The following COP1 variants were observed in gnomAD, a reference collection of about 807,000 sequenced individuals.
The protein encoded by COP1 is COP1 E3 ubiquitin ligase, also known as E3 ubiquitin-protein ligase COP1.
Under a neutral mutation model 101.3 loss-of-function variants are expected in COP1, and 24 were observed. That is an observed-to-expected ratio of 0.24 (90% CI 0.17 to 0.33). The LOEUF is 0.33. Among genes scored for constraint, COP1 ranks in the 10% least tolerant of loss-of-function variants. COP1 has a pLI of 1.00. For missense variants in COP1, 663 were observed against 906.2 expected (o/e 0.73, Z 3.45); for synonymous variants, 347 against 341.9 (o/e 1.01, Z -0.17).
At position 176,207,071 on chromosome 1, in the gene COP1, C is replaced by T; in HGVS notation, c.-93G>A. The T allele has an allele frequency of 9.2e-7, 1 of 1,081,736 alleles. No homozygotes were observed. The highest frequency in any genetic ancestry group is 1.7e-5 in the African/African-American group (1 of 60,190). 67.0% of individuals were successfully genotyped at this position (1,081,736 alleles called of 1,614,324 possible). A position where few individuals can be genotyped will look rare whatever the true frequency, so the allele number is the denominator to read the frequency against. ...CCCCTCCCCTCAGCCTCAGTGCATC[C>T]TGAGGACGCCCGCCGAGCCGGAGGT... On this transcript the variant is annotated 5_prime_UTR_variant, in exon 1 of 20. Coordinates refer to ENST00000367669, the MANE Select transcript of COP1 (RefSeq NM_022457.7).
chr1:176,105,844 C>T (rs961813010), intron 9 of COP1, among the ~76,000 whole-genome samples: 2 of 152,158 alleles, frequency 1.3e-5, no homozygotes, highest in Non-Finnish European at 2.9e-5. Context: ...AAGCTGGTCA[C>T]ATAACCAAAA....
In COP1 at chr1:175,967,399, T is replaced by C. The variant is rs554511982; in HGVS notation, c.2133+19544A>G. Among the ~76,000 whole-genome samples, 8 of 152,228 alleles carry C rather than the reference T, an allele frequency of 5.3e-5. No homozygotes were observed. In the South Asian group the frequency reaches 8.3e-4, roughly 16 times the overall value. On this transcript the variant is annotated intron_variant, in intron 18 of 19. Coordinates refer to ENST00000367669, the MANE Select transcript of COP1 (RefSeq NM_022457.7). ...TACTCAGGAGGCTGAGGCATGAGAA[T>C]TGCTTGAACCCAGGAGGCAGGGGTT...
chr1:175,978,728 C>T (rs1188825833), intron 18 of COP1, among the ~76,000 whole-genome samples: 1 of 151,868 alleles, frequency 6.6e-6, no homozygotes, highest in Non-Finnish European at 1.5e-5. Flanking sequence ...ATAAACAATC[C>T]AGTCAGAGGA....
intron 14 of COP1, among the ~76,000 whole-genome samples, chr1:176,037,999 T>C (rs529914886): frequency 7.3e-4 from 111 of 152,340 alleles, no homozygotes; most frequent in Non-Finnish European, 9.7e-4. Context: ...AAAGTATTTA[T>C]GTTTCTATTT....
intron 6 of COP1, among the ~76,000 whole-genome samples, chr1:176,144,992 T>A (rs1172388522): frequency 1.3e-5 from 2 of 152,082 alleles, no homozygotes; most frequent in African/African-American, 4.8e-5. Context: ...ACACTAAGTA[T>A]AACAGATAAG....
At chr1:176,064,369 C>T (rs916079320) in intron 11 of COP1, among the ~76,000 whole-genome samples, 3 of 152,146 alleles carry the variant, frequency 2.0e-5, no homozygotes, top group African/African-American at 7.2e-5. Context: ...ATATACTGCT[C>T]TAAGACAATA....
intron 11 of COP1, among the ~76,000 whole-genome samples, chr1:176,054,374 C>T (rs1022706027): frequency 1.3e-5 from 2 of 151,902 alleles, no homozygotes; most frequent in Non-Finnish European, 2.9e-5. Context: ...GTTGGCCAGA[C>T]TGGTTTCAAA....
intron 17 of COP1, 66 bp from the exon 18 acceptor site, chr1:175,987,169 A>G (rs1217631746): frequency 1.2e-6 from 1 of 824,672 alleles, no homozygotes; most frequent in Non-Finnish European, 1.8e-6. Flanking sequence ...ATCACAGTCT[A>G]ATAGTAATTA....
chr1:176,109,397 A>G (rs1207229727), intron 9 of COP1, among the ~76,000 whole-genome samples: 1 of 152,118 alleles, frequency 6.6e-6, no homozygotes, highest in African/African-American at 2.4e-5. Context: ...TCCTTTCACC[A>G]CTGATCTACA....
At chr1:176,095,214 T>C (rs1682107106) in intron 9 of COP1, among the ~76,000 whole-genome samples, 1 of 152,178 alleles carries the variant, frequency 6.6e-6, no homozygotes, top group Non-Finnish European at 1.5e-5. Flanking sequence ...ATTAAACCCA[T>C]ACACACATTT....
rs1687357519 is a variant in COP1 at position 176,122,771 on chromosome 1, G to C, written c.969-6090C>G. On this transcript the variant is annotated intron_variant, in intron 8 of 19. Transcript: ENST00000367669. ...GAAACTGAAAAAGGAAAGCAAAAGA[G>C]CAGCTCATTTGAAAGTTTTTTTTGT... is the stretch of plus-strand genomic sequence containing the variant. 2.0e-5 allele frequency among the ~76,000 whole-genome samples: 3 copies of C among 152,284 alleles called. No homozygotes were observed. In the South Asian group the frequency reaches 6.2e-4, roughly 32 times the overall value.
At chr1:176,097,060 A>G (rs1469552191) in intron 9 of COP1, among the ~76,000 whole-genome samples, 1 of 152,204 alleles carries the variant, frequency 6.6e-6, no homozygotes, top group Non-Finnish European at 1.5e-5. Flanking sequence ...CCTTTAGTAA[A>G]GTTTGAAAGC....
intron 8 of COP1, among the ~76,000 whole-genome samples, chr1:176,130,650 T>C (rs1347406701): frequency 6.6e-6 from 1 of 151,804 alleles, no homozygotes; most frequent in African/African-American, 2.4e-5. Context: ...TTAAGTATAC[T>C]ACATGTGATG....
At chr1:176,057,411 T>C (rs1433614397) in intron 11 of COP1, among the ~76,000 whole-genome samples, 2 of 152,198 alleles carry the variant, frequency 1.3e-5, no homozygotes, top group Non-Finnish European at 2.9e-5. Flanking sequence ...ACTGCTGCCA[T>C]CTCGGCTCAC....
At chr1:175,947,682 T>C (rs935073712) in intron 18 of COP1, among the ~76,000 whole-genome samples, 1 of 152,224 alleles carries the variant, frequency 6.6e-6, no homozygotes. Flanking sequence ...AGAGACAATT[T>C]TAACATGTTT....
chr1:176,046,077 C>G, intron 12 of COP1, 104 bp downstream of exon 12: 1 of 828,410 alleles, frequency 1.2e-6, no homozygotes, highest in Non-Finnish European at 1.9e-6. Context: ...ATAGTGTTCA[C>G]CATGAGTAAA....
At chr1:176,105,255 A>G (rs1314188967) in intron 9 of COP1, among the ~76,000 whole-genome samples, 1 of 152,150 alleles carries the variant, frequency 6.6e-6, no homozygotes, top group Non-Finnish European at 1.5e-5. Context: ...GTAATATTTT[A>G]CATATTCAAA....
In COP1 at chr1:176,136,124, T is replaced by G. The variant is rs189881226; in HGVS notation, c.891+364A>C. On this transcript the variant is annotated intron_variant, in intron 7 of 19. Transcript: ENST00000367669. The stretch of plus-strand genomic sequence containing the variant: ...TCTTATATTTCTCTTTTAATTAACC[T>G]TAACTCCTAGAAATGCACAGAGTAG... Among the ~76,000 whole-genome samples the G allele has an allele frequency of 3.0e-4, 45 of 152,152 alleles. No homozygotes were observed. In the East Asian group the frequency reaches 8.1e-3, roughly 27 times the overall value.
At chr1:176,133,119 A>G (rs916770236) in intron 8 of COP1, among the ~76,000 whole-genome samples, 2 of 148,862 alleles carry the variant, frequency 1.3e-5, no homozygotes, top group African/African-American at 2.5e-5. Context: ...ACGTATATAT[A>G]CTATATATAC....
Sources: gnomAD v4.1 joint callset for allele counts (sites outside exome capture counted in the v4.1 genomes callset) on GRCh38, gnomAD v4.1.1 for gene constraint, MANE v1.5 for transcripts, NCBI Gene and HGNC (gene_info 2026-07-23, HGNC 2026-07-21) for gene names.